DTWD2: variants seen among roughly 807,000 people sequenced by gnomAD.
DTWD2 encodes tRNA-uridine aminocarboxypropyltransferase 2.
Under a neutral mutation model 31.8 loss-of-function variants are expected in DTWD2, and 39 were observed. The ratio of observed to expected loss-of-function variants is 1.22; its 90% CI spans 0.95 to 1.60. The LOEUF (loss-of-function observed/expected upper bound fraction) is 1.60, where lower values mean the gene tolerates loss of function less well. DTWD2 is among the 40% of genes most tolerant of loss of function. DTWD2 has a pLI of 0.00. For synonymous variants in DTWD2, 180 were observed against 142.8 expected (o/e 1.26, Z -1.86); for missense variants, 515 against 381.5 (o/e 1.35, Z -2.92).
chr5:118,875,616 A>G (rs1193462876), intron 4 of DTWD2, among the ~76,000 whole-genome samples: 1 of 152,042 alleles, frequency 6.6e-6, no homozygotes, highest in Non-Finnish European at 1.5e-5. Flanking sequence ...CATAAAAGAC[A>G]AAAAGGTGCA....
chr5:118,886,054 G>A (rs1752860961), intron 4 of DTWD2, among the ~76,000 whole-genome samples: 1 of 152,144 alleles, frequency 6.6e-6, no homozygotes, highest in Non-Finnish European at 1.5e-5. Context: ...TACCTAATAA[G>A]CCAGACCCAT....
In DTWD2 at chr5:118,988,365, G is replaced by C. The variant is rs1296538210; in HGVS notation, c.147C>G (p.Asp49Glu). 18 of 1,569,988 alleles carry C rather than the reference G, an allele frequency of 1.1e-5. No homozygotes were observed. Among genetic ancestry groups the C allele is most frequent in the African/African-American group, 2.7e-5 (2 of 73,202 alleles). ...GCTCCCACAGCCCGTCCGCACTGTC[G>C]TCGTCCGCCTCTGCGCCCAGGGCAG... ...AAAALGAEAD[D>E]DSADGLWELP... Residue 49 changes from aspartate (D) to glutamate (E), a missense_variant, in exon 1 of 6, where the codon GAC (aspartate) becomes GAG (glutamate). Coordinates refer to ENST00000510708, the MANE Select transcript of DTWD2 (RefSeq NM_173666.4).
chr5:118,970,296 G>A (rs1016320708), intron 1 of DTWD2, among the ~76,000 whole-genome samples: 1 of 152,198 alleles, frequency 6.6e-6, no homozygotes, highest in Admixed American at 6.5e-5. Flanking sequence ...GCATGGTGGT[G>A]TGCACCTATA....
chr5:118,960,771 T>C (rs996398660), intron 1 of DTWD2, among the ~76,000 whole-genome samples: 2 of 152,098 alleles, frequency 1.3e-5, no homozygotes, highest in Non-Finnish European at 2.9e-5. Context: ...AATCATGTCC[T>C]TTAGAGCAAC....
At chr5:118,954,345 A>T (rs888514431) in intron 1 of DTWD2, among the ~76,000 whole-genome samples, 12 of 152,110 alleles carry the variant, frequency 7.9e-5, no homozygotes, top group African/African-American at 2.9e-4. Flanking sequence ...ATTCTGACTG[A>T]TTTTTCTTCA....
At chr5:118,944,508 C>T in intron 2 of DTWD2, 51 bp downstream of exon 2, 1 of 1,542,906 alleles carries the variant, frequency 6.5e-7, no homozygotes, top group Non-Finnish European at 8.9e-7. Context: ...TTCGTGTTTC[C>T]TCTTGTGGAC....
chr5:118,958,706 A>G (rs950463683), intron 1 of DTWD2, among the ~76,000 whole-genome samples: 2 of 152,164 alleles, frequency 1.3e-5, no homozygotes, highest in Non-Finnish European at 2.9e-5. Flanking sequence ...CTCAAAAAAA[A>G]TTAGCAAACC....
rs537085448 is a variant in DTWD2 at position 118,894,210 on chromosome 5, G to A, written c.597+34327C>T. Among the ~76,000 whole-genome samples, 284 of 152,172 alleles carry A rather than the reference G, an allele frequency of 1.9e-3. 1 individual carries two copies. The highest frequency in any genetic ancestry group is 3.4e-3 in the Middle Eastern group (1 of 294). Reference sequence around the variant, plus strand: ...TCTAATCCACTTTTAAACTCTGATAGAAGAGCGACCCTTCTAAAATGTAAA... The same window carrying A: ...TCTAATCCACTTTTAAACTCTGATAAAAGAGCGACCCTTCTAAAATGTAAA... On this transcript the variant is annotated intron_variant, in intron 4 of 5. Transcript: ENST00000510708.
chr5:118,921,320 T>G (rs75399502), intron 4 of DTWD2, among the ~76,000 whole-genome samples: 14,527 of 152,016 alleles, frequency 0.096, 752 homozygotes, highest in Middle Eastern at 0.2. Context: ...AAAACCAGCC[T>G]AGACAACATG....
chr5:118,970,187 G>A (rs1754952776), intron 1 of DTWD2, among the ~76,000 whole-genome samples: 1 of 152,220 alleles, frequency 6.6e-6, no homozygotes, highest in Admixed American at 6.5e-5. Context: ...ATCACTTTGG[G>A]AGGCCGAGGC....
Position 118,837,203 on chromosome 5 carries a change from G to C in DTWD2, c.*3714C>G, listed in dbSNP as rs533005148. On this transcript the variant is annotated 3_prime_UTR_variant, in exon 6 of 6. Coordinates refer to ENST00000510708, the MANE Select transcript of DTWD2 (RefSeq NM_173666.4). ...GAAGAAAGTGTGAAGAGAAAAGAGAGAGAATATGCTTTAAGTTAATGTAGC... is the reference window on the plus strand; with the variant it reads ...GAAGAAAGTGTGAAGAGAAAAGAGACAGAATATGCTTTAAGTTAATGTAGC... 2.0e-5 allele frequency: 3 copies of C among 152,154 alleles called. No homozygotes were observed. The highest frequency in any genetic ancestry group is 2.9e-5 in the Non-Finnish European group (2 of 68,032). The allele number at this position is 152,154 out of a possible 1,614,324, so 9.4% of individuals were successfully genotyped here. A position where few individuals can be genotyped will look rare whatever the true frequency, so the allele number is the denominator to read the frequency against.
At chr5:118,893,544 G>A (rs770189118) in intron 4 of DTWD2, among the ~76,000 whole-genome samples, 1 of 152,018 alleles carries the variant, frequency 6.6e-6, no homozygotes, top group Non-Finnish European at 1.5e-5. Context: ...AGACTTCTGA[G>A]TATATATTTT....
At position 118,934,272 on chromosome 5, in the gene DTWD2, TAA is replaced by T. The variant is rs397999089; in HGVS notation, c.404+4922_404+4923del. Among the ~76,000 whole-genome samples the T allele has an allele frequency of 7.4e-3, 175 of 23,502 alleles. 1 individual carries two copies. The highest frequency in any genetic ancestry group is 0.024 in the South Asian group (10 of 412). 15.4% of individuals were successfully genotyped at this position (23,502 alleles called of 152,430 possible). A position where few individuals can be genotyped will look rare whatever the true frequency, so the allele number is the denominator to read the frequency against. On this transcript the variant is annotated intron_variant, in intron 3 of 5. Transcript: ENST00000510708. ...CAACATAGTGAGACCTTGTCTCCAT[TAA>T]AAAAAAAAAAAAAAAAAAAAAAAAA...
chr5:118,909,602 C>T (rs1208344347), intron 4 of DTWD2, among the ~76,000 whole-genome samples: 1 of 152,212 alleles, frequency 6.6e-6, no homozygotes, highest in Non-Finnish European at 1.5e-5. Flanking sequence ...GTTCAGCTTC[C>T]ACCAGTGTGC....
chr5:118,972,713 C>T (rs559401312), intron 1 of DTWD2, among the ~76,000 whole-genome samples: 1 of 152,138 alleles, frequency 6.6e-6, no homozygotes, highest in African/African-American at 2.4e-5. Flanking sequence ...AACATCAACA[C>T]AAAAATCCTC....
chr5:118,962,205 T>C (rs1337263355), intron 1 of DTWD2, among the ~76,000 whole-genome samples: 10 of 151,964 alleles, frequency 6.6e-5, no homozygotes, highest in Admixed American at 6.6e-4. Flanking sequence ...GCCATTGCAC[T>C]CCAGCCTGGG....
At chr5:118,845,665 G>T (rs1751835731) in intron 5 of DTWD2, among the ~76,000 whole-genome samples, 1 of 151,990 alleles carries the variant, frequency 6.6e-6, no homozygotes, top group Non-Finnish European at 1.5e-5. Flanking sequence ...GCAGAATGAG[G>T]GCTCTAAGAC....
At chr5:118,987,655 A>G (rs1279231431) in intron 1 of DTWD2, among the ~76,000 whole-genome samples, 1 of 152,230 alleles carries the variant, frequency 6.6e-6, no homozygotes, top group Non-Finnish European at 1.5e-5. Flanking sequence ...CTCTACAAAA[A>G]CATGAACTCC....
intron 4 of DTWD2, among the ~76,000 whole-genome samples, chr5:118,919,718 A>G (rs1020263311): frequency 6.6e-6 from 1 of 152,206 alleles, no homozygotes; most frequent in African/African-American, 2.4e-5. Flanking sequence ...GTCTACCACA[A>G]TGCTGTTTAA....
Sources: gnomAD v4.1 joint callset for allele counts (sites outside exome capture counted in the v4.1 genomes callset) on GRCh38, gnomAD v4.1.1 for gene constraint, MANE v1.5 for transcripts, NCBI Gene and HGNC (gene_info 2026-07-23, HGNC 2026-07-21) for gene names.